The following NOVA1 variants were observed in gnomAD, a reference collection of about 807,000 sequenced individuals.
NOVA1 encodes RNA-binding protein Nova-1.
A neutral mutation model predicts 38.0 loss-of-function variants in NOVA1; 7 were observed. That is an observed-to-expected ratio of 0.18 (90% CI 0.10 to 0.35). The LOEUF is 0.35. Among genes scored for constraint, NOVA1 ranks in the 10% least tolerant of loss-of-function variants. The pLI, the probability that NOVA1 is intolerant of heterozygous loss-of-function variation, is 1.00. For synonymous variants in NOVA1, 270 were observed against 232.5 expected, an observed-to-expected ratio of 1.16 and a Z score of -1.47; for missense variants, 460 against 616.0, an observed-to-expected ratio of 0.75 and a Z score of 2.68.
At chr14:26,489,135 C>G (rs563206200) in intron 2 of NOVA1, among the ~76,000 whole-genome samples, 1 of 152,112 alleles carries the variant, frequency 6.6e-6, no homozygotes, top group African/African-American at 2.4e-5. Flanking sequence ...ACATTAATTT[C>G]TGACATGTAA....
At chr14:26,462,372 A>G (rs1287469855) in intron 4 of NOVA1, among the ~76,000 whole-genome samples, 1 of 152,188 alleles carries the variant, frequency 6.6e-6, no homozygotes, top group African/African-American at 2.4e-5. Flanking sequence ...AAAAAGAGAC[A>G]GTGTCATATA....
At chr14:26,568,701 G>GA (rs1355973193) in intron 2 of NOVA1, among the ~76,000 whole-genome samples, 1 of 152,098 alleles carries the variant, frequency 6.6e-6, no homozygotes, top group Non-Finnish European at 1.5e-5. Context: ...CATTTACCTT[G>GA]AAGTCTTTTG....
At chr14:26,531,353 A>T (rs1889694268) in intron 2 of NOVA1, among the ~76,000 whole-genome samples, 1 of 152,212 alleles carries the variant, frequency 6.6e-6, no homozygotes, top group South Asian at 2.1e-4. Context: ...CACGCCTGTA[A>T]TCCCAGCACT....
At chr14:26,562,140 T>C (rs944058789) in intron 2 of NOVA1, among the ~76,000 whole-genome samples, 4 of 152,170 alleles carry the variant, frequency 2.6e-5, no homozygotes, top group Non-Finnish European at 4.4e-5. Context: ...TTAGTTTAAG[T>C]AACTCAGATG....
intron 2 of NOVA1, among the ~76,000 whole-genome samples, chr14:26,527,073 T>C (rs1465742618): frequency 6.6e-6 from 1 of 152,170 alleles, no homozygotes; most frequent in African/African-American, 2.4e-5. Flanking sequence ...ACTGCAGCTG[T>C]GTGGCCCCAA....
At chr14:26,570,144 C>A (rs1271549622) in intron 2 of NOVA1, among the ~76,000 whole-genome samples, 3 of 152,042 alleles carry the variant, frequency 2.0e-5, no homozygotes, top group African/African-American at 7.2e-5. Flanking sequence ...GTCAGGCGTT[C>A]GAGATCAGCC....
chr14:26,559,369 T>A (rs1306167527), intron 2 of NOVA1, among the ~76,000 whole-genome samples: 1 of 152,166 alleles, frequency 6.6e-6, no homozygotes, highest in Non-Finnish European at 1.5e-5. Context: ...CTGAGAATGT[T>A]ATTTAACCAC....
At chr14:26,479,333 C>G (rs1312683727) in intron 3 of NOVA1, 2 of 151,952 alleles carry the variant, frequency 1.3e-5, no homozygotes, top group Non-Finnish European at 2.9e-5. Flanking sequence ...ACCCATTATT[C>G]AATCTTAAAA....
intron 2 of NOVA1, among the ~76,000 whole-genome samples, chr14:26,514,026 A>G (rs1428874809): frequency 6.6e-6 from 1 of 151,796 alleles, no homozygotes; most frequent in African/African-American, 2.4e-5. Context: ...AAGAGAATTA[A>G]ATGTTAAAAG....
chr14:26,463,366 G>A (rs1013014048), intron 4 of NOVA1, among the ~76,000 whole-genome samples: 88 of 152,196 alleles, frequency 5.8e-4, no homozygotes, highest in Non-Finnish European at 1.0e-3. Flanking sequence ...TCTGATATGT[G>A]TATTATACAC....
chr14:26,526,307 T>C (rs1229648354), intron 2 of NOVA1, among the ~76,000 whole-genome samples: 1 of 152,186 alleles, frequency 6.6e-6, no homozygotes, highest in Admixed American at 6.5e-5. Flanking sequence ...ATTACTGAAT[T>C]CCAAAAGTCT....
At chr14:26,470,250 C>T (rs1008223230) in intron 4 of NOVA1, 3 of 1,191,400 alleles carry the variant, frequency 2.5e-6, no homozygotes, top group Non-Finnish European at 3.3e-6. Context: ...AGATATAAGT[C>T]AGTATAGCAA....
chr14:26,532,122 C>T (rs1354689282), intron 2 of NOVA1, among the ~76,000 whole-genome samples: 1 of 152,100 alleles, frequency 6.6e-6, no homozygotes, highest in African/African-American at 2.4e-5. Context: ...AATGACACAA[C>T]CCCTCCTGGT....
rs1882346732 is a variant in NOVA1 at position 26,448,737 on chromosome 14, C to G, written c.746G>C (p.Ser249Thr). The G allele has an allele frequency of 6.2e-7, 1 of 1,614,074 alleles. No homozygotes were observed. The change falls in exon 5 of 5, where the codon AGC (serine) becomes ACC (threonine). Residue 249 changes from serine to threonine, a missense_variant. By Grantham distance (58) the Ser-to-Thr change is moderately conservative. Coordinates refer to ENST00000539517, the MANE Select transcript of NOVA1 (RefSeq NM_002515.3). The surrounding 1 kb of genome is among the most constrained non-coding windows in gnomAD (Gnocchi z 5.3). ...ATTGGCATAACTGATATTGAGACAG[C>G]TGCCACTTTGTGGATCCTCTTGTAT... ...QKIQEDPQSG[S>T]CLNISYANVT...
intron 4 of NOVA1, among the ~76,000 whole-genome samples, chr14:26,463,667 G>C (rs1180811857): frequency 6.6e-6 from 1 of 152,058 alleles, no homozygotes; most frequent in East Asian, 1.9e-4. Context: ...AATAATAAAT[G>C]TTTATATACT....
intron 4 of NOVA1, among the ~76,000 whole-genome samples, chr14:26,469,389 C>A (rs1358551916): frequency 2.0e-5 from 3 of 152,078 alleles, no homozygotes; most frequent in African/African-American, 7.2e-5. Flanking sequence ...TTTCCAAAGG[C>A]AAAACTCAAA....
At chr14:26,585,015 A>G (rs774644409) in intron 2 of NOVA1, among the ~76,000 whole-genome samples, 108 of 151,500 alleles carry the variant, frequency 7.1e-4, no homozygotes, top group Non-Finnish European at 1.3e-3. Flanking sequence ...TGGTTATTTT[A>G]ACCCACTGTT....
At chr14:26,498,406 A>G (rs942687122) in intron 2 of NOVA1, among the ~76,000 whole-genome samples, 2 of 152,054 alleles carry the variant, frequency 1.3e-5, no homozygotes, top group Non-Finnish European at 2.9e-5. Flanking sequence ...AAAACATATT[A>G]ATTATTTACT....
intron 2 of NOVA1, among the ~76,000 whole-genome samples, chr14:26,508,783 TAATA>T (rs1288017787): frequency 1.3e-5 from 2 of 151,894 alleles, no homozygotes; most frequent in Non-Finnish European, 2.9e-5. Context: ...AAAATTTAAT[TAATA>T]AATAAATGGA....
Sources: gnomAD v4.1 joint callset for allele counts (sites outside exome capture counted in the v4.1 genomes callset) on GRCh38, gnomAD v4.1.1 for gene constraint, Gnocchi (gnomAD v3.1) non-coding constraint, MANE v1.5 for transcripts, NCBI Gene and HGNC (gene_info 2026-07-23, HGNC 2026-07-21) for gene names.